RORB: variants seen among roughly 807,000 people sequenced by gnomAD.
RORB encodes the protein RAR related orphan receptor B.
Under a neutral mutation model 59.1 loss-of-function variants are expected in RORB, and 6 were observed. The observed-to-expected ratio is 0.10, with a 90% CI of 0.06 to 0.20. The LOEUF (loss-of-function observed/expected upper bound fraction) is 0.20. Ranked by LOEUF, RORB falls within the 10% of genes least tolerant of loss-of-function variation. The pLI is 1.00. For missense variants in RORB, 320 were observed against 560.5 expected (o/e 0.57, Z 4.33); for synonymous variants, 215 against 204.5 (o/e 1.05, Z -0.44).
At chr9:74,561,877 T>A (rs967031899) in intron 1 of RORB, among the ~76,000 whole-genome samples, 13 of 152,220 alleles carry the variant, frequency 8.5e-5, no homozygotes, top group Non-Finnish European at 1.6e-4. Flanking sequence ...AATCTCTCAG[T>A]CTTTCTTGTC....
intron 1 of RORB, among the ~76,000 whole-genome samples, chr9:74,546,847 G>C (rs150286364): frequency 7.7e-4 from 117 of 152,328 alleles, no homozygotes; most frequent in African/African-American, 2.3e-3. Flanking sequence ...TACTGACAAT[G>C]AGAGTGAAGA....
intron 3 of RORB, among the ~76,000 whole-genome samples, chr9:74,641,649 CCAG>C (rs1201627251): frequency 6.6e-6 from 1 of 152,078 alleles, no homozygotes; most frequent in Non-Finnish European, 1.5e-5. Flanking sequence ...ATCTGTAATC[CCAG>C]CACTTTGAGA....
chr9:74,668,914 T>C (rs1191265689), intron 8 of RORB, among the ~76,000 whole-genome samples: 1 of 152,156 alleles, frequency 6.6e-6, no homozygotes, highest in Non-Finnish European at 1.5e-5. Flanking sequence ...AAATGACTCA[T>C]ACTGAAGACT....
At chr9:74,615,933 T>C (rs189075329) in intron 1 of RORB, among the ~76,000 whole-genome samples, 205 of 152,316 alleles carry the variant, frequency 1.3e-3, no homozygotes, top group Admixed American at 2.1e-3. Flanking sequence ...TAACATTAGG[T>C]TAATCATATG....
Position 74,621,560 on chromosome 9 carries a change from C to A in RORB, c.8-8722C>A, listed in dbSNP as rs140817166. ...AAGTTGCCATAAATATTTGTGTGCA[C>A]GTTGTCATGTGGACGTAAGTTTTCA... On this transcript the variant is annotated intron_variant, in intron 1 of 9. Coordinates refer to ENST00000376896, the MANE Select transcript of RORB (RefSeq NM_006914.4). Among the ~76,000 whole-genome samples the A allele has an allele frequency of 5.7e-3, 864 of 152,270 alleles. 6 individuals are homozygous for A. The highest frequency in any genetic ancestry group is 8.4e-3 in the Non-Finnish European group (571 of 68,028).
At chr9:74,536,086 A>C (rs1393988833) in intron 1 of RORB, among the ~76,000 whole-genome samples, 2 of 152,086 alleles carry the variant, frequency 1.3e-5, no homozygotes, top group Non-Finnish European at 2.9e-5. Context: ...TGCTTACATG[A>C]AGTATTCTTC....
intron 1 of RORB, among the ~76,000 whole-genome samples, chr9:74,592,394 A>T (rs1822912157): frequency 6.6e-6 from 1 of 152,212 alleles, no homozygotes; most frequent in Non-Finnish European, 1.5e-5. Flanking sequence ...CACATGGTTG[A>T]CCACCAAGTA....
At chr9:74,555,219 G>A (rs543592829) in intron 1 of RORB, among the ~76,000 whole-genome samples, 51 of 152,268 alleles carry the variant, frequency 3.3e-4, no homozygotes, top group African/African-American at 1.1e-3. Flanking sequence ...TGTCACAGAC[G>A]CAGGGCACTG....
chr9:74,512,424 A>T (rs1008301926), intron 1 of RORB, among the ~76,000 whole-genome samples: 7 of 152,188 alleles, frequency 4.6e-5, no homozygotes, highest in African/African-American at 1.7e-4. Context: ...GGTATTTAAT[A>T]GGGAAGAATT....
rs999935251 is a variant in RORB, at chr9:74,658,388, C to A, written c.638-2229C>A. On this transcript the variant is annotated intron_variant, in intron 4 of 9. Transcript: ENST00000376896. ...ATTTCCTATTTCCTTAACCTTCCCACGTATTTATTGTACCTACCCTTCCTC... is the reference window on the plus strand; with the variant it reads ...ATTTCCTATTTCCTTAACCTTCCCAAGTATTTATTGTACCTACCCTTCCTC... Among the ~76,000 whole-genome samples, 5 of 152,270 alleles carry A rather than the reference C, an allele frequency of 3.3e-5. No homozygotes were observed. The South Asian group carries it at 1.0e-3, about 32-fold the overall frequency.
intron 1 of RORB, among the ~76,000 whole-genome samples, chr9:74,590,272 G>A (rs907529347): frequency 2.0e-5 from 3 of 152,162 alleles, no homozygotes; most frequent in African/African-American, 7.2e-5. Context: ...CAGTGCCTAG[G>A]TTTGTGCCTG....
intron 1 of RORB, among the ~76,000 whole-genome samples, chr9:74,618,751 G>A (rs1350783991): frequency 6.6e-6 from 1 of 151,966 alleles, no homozygotes; most frequent in Admixed American, 6.6e-5. Flanking sequence ...GTGTGTGTGT[G>A]TATATGTGTG....
intron 1 of RORB, among the ~76,000 whole-genome samples, chr9:74,574,213 C>T (rs2118235456): frequency 6.6e-6 from 1 of 152,246 alleles, no homozygotes; most frequent in South Asian, 2.1e-4. Context: ...ATACAACTCC[C>T]ACTACCTGAT....
chr9:74,627,715 TA>T (rs1459551853), intron 1 of RORB, among the ~76,000 whole-genome samples: 2 of 152,020 alleles, frequency 1.3e-5, no homozygotes, highest in Non-Finnish European at 2.9e-5. Flanking sequence ...TTATATAAGC[TA>T]AAAACTATAC....
In RORB at chr9:74,630,208, G is replaced by T. The variant is rs1823593162; in HGVS notation, c.8-74G>T. 3 of 1,567,426 alleles carry T rather than the reference G, an allele frequency of 1.9e-6. No individual in the cohort carries two copies. The African/African-American group carries it at 4.0e-5, about 21-fold the overall frequency. On this transcript the variant is annotated intron_variant, in intron 1 of 9. Coordinates refer to ENST00000376896, the MANE Select transcript of RORB (RefSeq NM_006914.4). ...TACAAACATCAAGGCAGAGATAGAT[G>T]GGGAGAGAGATAGGAAGAGTGAAAG...
At chr9:74,620,099 G>A (rs1186493181) in intron 1 of RORB, among the ~76,000 whole-genome samples, 17 of 152,214 alleles carry the variant, frequency 1.1e-4, no homozygotes, top group African/African-American at 4.1e-4. Flanking sequence ...ATTGATTGGA[G>A]TAGTTTCAGA....
chr9:74,561,739 C>A (rs1822399134), intron 1 of RORB, among the ~76,000 whole-genome samples: 1 of 152,162 alleles, frequency 6.6e-6, no homozygotes, highest in Admixed American at 6.6e-5. Flanking sequence ...TGGTACAATA[C>A]TACTAATTAA....
At chr9:74,546,930 T>C (rs1826506187) in intron 1 of RORB, among the ~76,000 whole-genome samples, 1 of 152,068 alleles carries the variant, frequency 6.6e-6, no homozygotes, top group Non-Finnish European at 1.5e-5. Context: ...CTGTCTCTAC[T>C]AAAAATACAA....
At chr9:74,529,871 A>T (rs1297400486) in intron 1 of RORB, among the ~76,000 whole-genome samples, 2 of 151,934 alleles carry the variant, frequency 1.3e-5, no homozygotes, top group African/African-American at 4.8e-5. Context: ...GGACTTACTC[A>T]TGTAACCAAA....
Sources: allele counts gnomAD v4.1 joint callset (sites outside exome capture counted in the v4.1 genomes callset), GRCh38; gene constraint gnomAD v4.1.1; transcripts MANE v1.5; gene names NCBI Gene and HGNC (gene_info 2026-07-23, HGNC 2026-07-21).